Variants in KLHL22 observed in about 807,000 individuals in gnomAD.
The protein encoded by KLHL22 is kelch like family member 22, also known as kelch-like protein 22.
In KLHL22, 18 loss-of-function variants were observed where a neutral mutation model predicts 60.7. The observed-to-expected ratio is 0.30, with a 90% confidence interval of 0.20 to 0.44. The LOEUF (loss-of-function observed/expected upper bound fraction) is 0.44. KLHL22 is among the 20% of genes least tolerant of loss of function. KLHL22 has a pLI of 1.00. For synonymous variants in KLHL22, 355 were observed against 354.5 expected (o/e 1.00, Z -0.01); for missense variants, 596 against 852.3 (o/e 0.70, Z 3.74).
At chr22:20,484,321 A>G (rs1309474265) in intron 2 of KLHL22, among the ~76,000 whole-genome samples, 2 of 151,738 alleles carry the variant, frequency 1.3e-5, no homozygotes, top group African/African-American at 4.8e-5. Context: ...TTGAGGCAGA[A>G]TCTCACTCTC....
At chr22:20,479,309 CA>C (rs1466619220) in intron 2 of KLHL22, among the ~76,000 whole-genome samples, 1 of 151,846 alleles carries the variant, frequency 6.6e-6, no homozygotes, top group Non-Finnish European at 1.5e-5. Context: ...GGAATTATGT[CA>C]AAATAAAGAC....
chr22:20,453,806 C>T (rs1193000953), intron 5 of KLHL22, among the ~76,000 whole-genome samples: 1 of 152,148 alleles, frequency 6.6e-6, no homozygotes, highest in Non-Finnish European at 1.5e-5. Context: ...GCAATCTCGG[C>T]TCATTGCAAC....
intron 3 of KLHL22, among the ~76,000 whole-genome samples, chr22:20,470,884 A>C (rs181665908): frequency 6.6e-6 from 1 of 151,974 alleles, no homozygotes; most frequent in South Asian, 2.1e-4. Flanking sequence ...GGATGGATGG[A>C]TGGACAGACA....
chr22:20,466,421 C>T (rs984271606), intron 3 of KLHL22, among the ~76,000 whole-genome samples: 1 of 144,106 alleles, frequency 6.9e-6, no homozygotes, highest in Non-Finnish European at 1.5e-5. Flanking sequence ...TCCAGAAAAG[C>T]AGGAAGCAGC....
chr22:20,467,691 C>G (rs1020033255), intron 3 of KLHL22, among the ~76,000 whole-genome samples: 1 of 152,206 alleles, frequency 6.6e-6, no homozygotes, highest in Non-Finnish European at 1.5e-5. Context: ...TGGGGTCTCA[C>G]TCTGTTGCCC....
chr22:20,488,069 C>T (rs2053615584), intron 2 of KLHL22, among the ~76,000 whole-genome samples: 1 of 152,222 alleles, frequency 6.6e-6, no homozygotes, highest in South Asian at 2.1e-4. Flanking sequence ...TTCTCCAAAA[C>T]TCCTTTTGGA....
chr22:20,455,949 C>A (rs1218328958), intron 5 of KLHL22, among the ~76,000 whole-genome samples: 3 of 152,234 alleles, frequency 2.0e-5, no homozygotes, highest in African/African-American at 7.2e-5. Flanking sequence ...CTGGAGCAGC[C>A]TGCTCTGACT....
intron 6 of KLHL22, among the ~76,000 whole-genome samples, chr22:20,446,022 A>G (rs983271870): frequency 6.6e-6 from 1 of 152,220 alleles, no homozygotes; most frequent in African/African-American, 2.4e-5. Context: ...TGGCTTCCCA[A>G]ACTGCTTGGA....
In KLHL22 at chr22:20,495,510, T is replaced by C. The variant is rs1232247073; in HGVS notation, c.-34+250A>G. ...GCCGCGCTGAGGAGGCCTCGCACCC[T>C]GGCCCCTGGCCGAGCGCCAGATCCC... On this transcript the variant is annotated intron_variant, in intron 1 of 6. Transcript: ENST00000328879. This position sits in a 1 kb window ranked among gnomAD's most constrained non-coding sequence, Gnocchi z 4.6. 6.6e-6 allele frequency among the ~76,000 whole-genome samples: 1 copy of C among 151,548 alleles called. No homozygotes were observed. The highest frequency in any genetic ancestry group is 1.5e-5 in the Non-Finnish European group (1 of 67,858).
At chr22:20,447,112 G>A (rs1018646168) in intron 5 of KLHL22, among the ~76,000 whole-genome samples, 17 of 152,304 alleles carry the variant, frequency 1.1e-4, no homozygotes, top group African/African-American at 4.1e-4. Flanking sequence ...CTTTTAAAAT[G>A]TTTGTAAATA....
intron 5 of KLHL22, among the ~76,000 whole-genome samples, chr22:20,455,262 A>G (rs1315566989): frequency 6.6e-6 from 1 of 152,160 alleles, no homozygotes; most frequent in Non-Finnish European, 1.5e-5. Flanking sequence ...CTACACTCTG[A>G]ACCCTCCCAT....
intron 5 of KLHL22, among the ~76,000 whole-genome samples, chr22:20,457,037 C>CTG (rs111314590): frequency 3.3e-5 from 5 of 151,234 alleles, no homozygotes; most frequent in African/African-American, 1.2e-4. Flanking sequence ...CTAGGGTACC[C>CTG]CTAGTACTGC....
Position 20,483,546 on chromosome 22 carries a change from T to G in KLHL22, c.227+5439A>C, listed in dbSNP as rs149839819. 4.8e-4 allele frequency: 346 copies of G among 725,218 alleles called. 1 individual carries two copies. The highest frequency in any genetic ancestry group is 4.5e-3 in the African/African-American group (260 of 57,936). 44.9% of individuals were successfully genotyped at this position (725,218 alleles called of 1,614,324 possible). ...GAGGGACATTGGTGTCATCAATCAC[T>G]TTGCGAAGCCCATGTATGTCGCTCT... On this transcript the variant is annotated intron_variant, in intron 2 of 6. Coordinates refer to ENST00000328879, the MANE Select transcript of KLHL22 (RefSeq NM_032775.4).
At chr22:20,457,334 G>A (rs139171100) in intron 5 of KLHL22, among the ~76,000 whole-genome samples, 147 of 152,098 alleles carry the variant, frequency 9.7e-4, no homozygotes, top group African/African-American at 3.5e-3. Flanking sequence ...TAAAACCTTA[G>A]AGTGTTTCTT....
At chr22:20,456,062 G>A (rs1371831546) in intron 5 of KLHL22, among the ~76,000 whole-genome samples, 4 of 152,230 alleles carry the variant, frequency 2.6e-5, no homozygotes, top group African/African-American at 7.2e-5. Context: ...GACAAGAACC[G>A]AGGACACATT....
intron 5 of KLHL22, chr22:20,451,126 T>C (rs1161433281): frequency 6.6e-7 from 1 of 1,518,118 alleles, no homozygotes; most frequent in African/African-American, 1.4e-5. Flanking sequence ...CATTGGTGGC[T>C]GTGATGGTCG....
chr22:20,455,555 CTG>C (rs2053049904), intron 5 of KLHL22, among the ~76,000 whole-genome samples: 1 of 152,188 alleles, frequency 6.6e-6, no homozygotes, highest in African/African-American at 2.4e-5. Context: ...ACTATGACCT[CTG>C]AGACATGTTA....
Position 20,489,155 on chromosome 22 carries a change from G to A in KLHL22, c.57C>T (p.His19=). The A allele has an allele frequency of 6.2e-7, 1 of 1,614,164 alleles. No homozygotes were observed. The highest frequency in any genetic ancestry group is 8.5e-7 in the Non-Finnish European group (1 of 1,180,044). Residue 19 remains histidine (H), a synonymous_variant, in exon 2 of 7, where the codon CAC becomes CAT. Transcript: ENST00000328879. The part of the protein sequence containing the change: ...QLCKLPAQPS[H]PHCVNNTYRS... ...GGTAGGTGTTGTTCACGCAGTGTGG[G>A]TGTGAGGGCTGTGCAGGCAACTTGC... is the stretch of plus-strand genomic sequence containing the variant.
At chr22:20,458,138 G>A (rs1358152454) in intron 4 of KLHL22, 138 bp from the exon 5 acceptor site, 13 of 844,120 alleles carry the variant, frequency 1.5e-5, no homozygotes, top group Admixed American at 2.5e-5. Flanking sequence ...ACATACCAGT[G>A]CACACCGATC....
Sources: allele counts gnomAD v4.1 joint callset (sites outside exome capture counted in the v4.1 genomes callset), GRCh38; gene constraint gnomAD v4.1.1; non-coding constraint Gnocchi (gnomAD v3.1); transcripts MANE v1.5; gene names NCBI Gene and HGNC (gene_info 2026-07-23, HGNC 2026-07-21).